TRAK2: variants seen among roughly 807,000 people sequenced by gnomAD.
TRAK2 encodes trafficking kinesin-binding protein 2.
In TRAK2, 81 loss-of-function variants were observed where a neutral mutation model predicts 104.6. The observed-to-expected ratio is 0.77, with a 90% CI of 0.65 to 0.93. The LOEUF (loss-of-function observed/expected upper bound fraction) is 0.93, where lower values mean the gene tolerates loss of function less well. Ranked by LOEUF, TRAK2 falls within the 40% of genes least tolerant of loss-of-function variation. The pLI is 0.00. For synonymous variants in TRAK2, 406 were observed against 394.4 expected, an observed-to-expected ratio of 1.03 and a Z score of -0.35; for missense variants, 1,002 against 1,089.0, an observed-to-expected ratio of 0.92 and a Z score of 1.12.
Position 201,384,269 on chromosome 2 carries a change from T to G in TRAK2, c.1964-53A>C, listed in dbSNP as rs1332088893. 6.3e-6 allele frequency: 8 copies of G among 1,274,184 alleles called. No individual in the cohort carries two copies. The Admixed American group carries it at 1.5e-4, about 24-fold the overall frequency. The allele number at this position is 1,274,184 out of a possible 1,614,324, so 78.9% of individuals were successfully genotyped here. A position where few individuals can be genotyped will look rare whatever the true frequency, so the allele number is the denominator to read the frequency against. On this transcript the variant is annotated intron_variant, in intron 14 of 15. Coordinates refer to ENST00000332624, the MANE Select transcript of TRAK2 (RefSeq NM_015049.3). ...CAAGATTGAAAGTCTAGATTAATAA[T>G]GTAAAAAGCTCATCATTATTTATTA...
intron 2 of TRAK2, among the ~76,000 whole-genome samples, chr2:201,418,961 T>G (rs1951716375): frequency 6.6e-6 from 1 of 152,122 alleles, no homozygotes; most frequent in Non-Finnish European, 1.5e-5. Context: ...TACGGTCCAT[T>G]TACCTAACAA....
chr2:201,446,642 T>A (rs530995915), intron 1 of TRAK2, among the ~76,000 whole-genome samples: 2 of 152,370 alleles, frequency 1.3e-5, no homozygotes, highest in South Asian at 4.1e-4. Context: ...TGAGTTTGAA[T>A]CTTAACTCTG....
intron 2 of TRAK2, among the ~76,000 whole-genome samples, chr2:201,419,641 C>A (rs1233355480): frequency 2.0e-5 from 3 of 152,176 alleles, no homozygotes; most frequent in Non-Finnish European, 2.9e-5. Context: ...GGTGGTTACA[C>A]TGAATGCATA....
intron 3 of TRAK2, among the ~76,000 whole-genome samples, chr2:201,406,821 CT>C (rs1229556808): frequency 1.3e-5 from 2 of 152,320 alleles, no homozygotes; most frequent in East Asian, 3.9e-4. Flanking sequence ...ATTCATTTGT[CT>C]TTTCTAACAG....
intron 14 of TRAK2, among the ~76,000 whole-genome samples, chr2:201,384,503 T>G (rs1194894954): frequency 6.6e-6 from 1 of 152,098 alleles, no homozygotes; most frequent in African/African-American, 2.4e-5. Context: ...AGTATCCAAA[T>G]GATTCAGCCA....
intron 1 of TRAK2, among the ~76,000 whole-genome samples, chr2:201,430,160 C>T (rs1951829245): frequency 6.6e-6 from 1 of 152,156 alleles, no homozygotes; most frequent in African/African-American, 2.4e-5. Context: ...GCAGAACAGC[C>T]AATGTTGCTG....
chr2:201,415,698 T>C lies in TRAK2; in HGVS notation c.91+4719A>G, dbSNP rs557898089. Among the ~76,000 whole-genome samples, 136 of 151,812 alleles carry C rather than the reference T, an allele frequency of 9.0e-4. 1 individual carries two copies. The highest frequency in any genetic ancestry group is 3.0e-3 in the African/African-American group (125 of 41,376). On this transcript the variant is annotated intron_variant, in intron 2 of 15. Transcript: ENST00000332624. ...AAAATGAAGCACAGAGAAAAAAAGATTGGGGGGAGAAAACTGAACAGAACA... is the reference window on the plus strand; with the variant it reads ...AAAATGAAGCACAGAGAAAAAAAGACTGGGGGGAGAAAACTGAACAGAACA...
intron 2 of TRAK2, chr2:201,412,261 T>G: frequency 9.3e-7 from 1 of 1,079,042 alleles, no homozygotes; most frequent in Non-Finnish European, 1.4e-6. Flanking sequence ...GTTGAAAAAC[T>G]GTGATTTCTG....
chr2:201,401,062 T>C lies in TRAK2; in HGVS notation c.319A>G (p.Lys107Glu). 1 of 1,611,490 alleles carries C rather than the reference T, an allele frequency of 6.2e-7. No homozygotes were observed. The highest frequency in any genetic ancestry group is 8.5e-7 in the Non-Finnish European group (1 of 1,178,208). ...ACCATGTCGATGTCATTGTAAGTTT[T>C]GGTCATCTGCTCCACCCTGTCTGTG... is the stretch of plus-strand genomic sequence containing the variant. Reference protein sequence around the residue: ...LGTDRVEQMTKTYNDIDMVTH... With the variant: ...LGTDRVEQMTETYNDIDMVTH... Residue 107 changes from lysine (K) to glutamate (E), a missense_variant, in exon 4 of 16, where the codon AAA becomes GAA. Lys to Glu is a moderately conservative substitution (Grantham distance 56, BLOSUM62 1). Coordinates refer to ENST00000332624, the MANE Select transcript of TRAK2 (RefSeq NM_015049.3).
At chr2:201,389,179 G>A in intron 12 of TRAK2, 121 bp downstream of exon 12, 1 of 994,210 alleles carries the variant, frequency 1.0e-6, no homozygotes, top group Non-Finnish European at 1.5e-6. Context: ...CATAAGTGAA[G>A]GAAAACTGAC....
intron 2 of TRAK2, among the ~76,000 whole-genome samples, chr2:201,408,391 C>T (rs1320737143): frequency 6.6e-6 from 1 of 151,846 alleles, no homozygotes; most frequent in Non-Finnish European, 1.5e-5. Flanking sequence ...ACTCATGTCA[C>T]GGGGGTTTGG....
Position 201,451,422 on chromosome 2 carries a change from A to G in TRAK2, c.-272T>C, listed in dbSNP as rs1388843555. 6.6e-6 allele frequency: 1 copy of G among 152,134 alleles called. No homozygotes were observed. Among genetic ancestry groups the G allele is most frequent in the Non-Finnish European group, 1.5e-5 (1 of 68,018 alleles). 9.4% of individuals were successfully genotyped at this position (152,134 alleles called of 1,614,324 possible). ...GCCCCTAATGCAGCGGCAGCCTGAAAGCAGCAGCCGAAGCTGCTGCCGCTG... is the reference window on the plus strand; with the variant it reads ...GCCCCTAATGCAGCGGCAGCCTGAAGGCAGCAGCCGAAGCTGCTGCCGCTG... On this transcript the variant is annotated 5_prime_UTR_variant, in exon 1 of 16. Coordinates refer to ENST00000332624, the MANE Select transcript of TRAK2 (RefSeq NM_015049.3).
intron 1 of TRAK2, among the ~76,000 whole-genome samples, chr2:201,423,037 CCACACACA>C (rs142826543): frequency 1.3e-3 from 170 of 134,226 alleles, no homozygotes; most frequent in Middle Eastern, 3.7e-3. Context: ...AACACCACCA[CCACACACA>C]CACACACACA....
In TRAK2 at chr2:201,380,822, C is replaced by G; in HGVS notation, c.2466G>C (p.Arg822=). Residue 822 remains arginine, a synonymous_variant, in exon 16 of 16, where the codon CGG becomes CGC. Coordinates refer to ENST00000332624, the MANE Select transcript of TRAK2 (RefSeq NM_015049.3). Reference sequence around the variant, plus strand: ...TCAACTGGCCAACATCAGGAGGGTTCCGGGAGGGTCTCAAGCCATACATCT... The same window carrying G: ...TCAACTGGCCAACATCAGGAGGGTTGCGGGAGGGTCTCAAGCCATACATCT... ...LQEMYGLRPS[R]NPPDVGQLKM... 6.2e-7 allele frequency: 1 copy of G among 1,614,018 alleles called. No individual in the cohort carries two copies. Among genetic ancestry groups the G allele is most frequent in the Non-Finnish European group, 8.5e-7 (1 of 1,179,978 alleles).
intron 3 of TRAK2, among the ~76,000 whole-genome samples, chr2:201,406,474 GA>G (rs1423828989): frequency 6.6e-6 from 1 of 151,976 alleles, no homozygotes; most frequent in African/African-American, 2.4e-5. Flanking sequence ...GAAACGACTA[GA>G]AAAAAATTCT....
Position 201,380,691 on chromosome 2 carries a change from T to C in TRAK2, c.2597A>G (p.Gln866Arg). The C allele has an allele frequency of 6.2e-7, 1 of 1,614,104 alleles. No homozygotes were observed. The change falls in exon 16 of 16, where the codon CAA becomes CGA. Residue 866 changes from glutamine (Q) to arginine (R), a missense_variant. Coordinates refer to ENST00000332624, the MANE Select transcript of TRAK2 (RefSeq NM_015049.3). ...GRCQEAEIGP[Q>R]KPDSAVYLNS... ...TAAATAAACAGCAGAATCTGGTTTT[T>C]GAGGACCAATTTCTGCCTCCTGGCA...
chr2:201,401,008 A>ATAT lies in TRAK2; in HGVS notation c.363+7_363+9dup, dbSNP rs751750201. ...CCTTTTTGTACTGGAGAAAGAAAAG[A>ATAT]TATTCCTACCTCTGCCAGGAGATGT... On this transcript the variant is annotated intron_variant, in intron 4 of 15. Coordinates refer to ENST00000332624, the MANE Select transcript of TRAK2 (RefSeq NM_015049.3). 1.9e-6 allele frequency: 3 copies of ATAT among 1,606,486 alleles called. No homozygotes were observed. The Admixed American group carries it at 5.0e-5, about 27-fold the overall frequency.
At chr2:201,427,955 T>C (rs1448582175) in intron 1 of TRAK2, among the ~76,000 whole-genome samples, 1 of 152,260 alleles carries the variant, frequency 6.6e-6, no homozygotes, top group African/African-American at 2.4e-5. Flanking sequence ...GTTGGCTGCA[T>C]AAATGTCTTC....
intron 1 of TRAK2, among the ~76,000 whole-genome samples, chr2:201,425,714 C>A (rs1046492010): frequency 9.8e-6 from 1 of 102,066 alleles, no homozygotes; most frequent in East Asian, 2.5e-4. Flanking sequence ...GAAAGCATTG[C>A]TTTTTTTTTT....
Sources: gnomAD v4.1 joint callset for allele counts (sites outside exome capture counted in the v4.1 genomes callset) on GRCh38, gnomAD v4.1.1 for gene constraint, MANE v1.5 for transcripts, NCBI Gene and HGNC (gene_info 2026-07-23, HGNC 2026-07-21) for gene names.